TASOR2: variants seen among roughly 807,000 people sequenced by gnomAD.
TASOR2 encodes the protein transcription activation suppressor family member 2, also known as protein TASOR 2.
In TASOR2, 84 loss-of-function variants were observed where a neutral mutation model predicts 199.5. That is an observed-to-expected ratio of 0.42 (90% CI 0.35 to 0.50). The LOEUF (loss-of-function observed/expected upper bound fraction) is 0.50. Ranked by LOEUF, TASOR2 falls within the 20% of genes least tolerant of loss-of-function variation. The pLI is 0.02. For missense variants in TASOR2, 2,796 were observed against 2,835.9 expected (o/e 0.99, Z 0.32); for synonymous variants, 1,103 against 1,046.6 (o/e 1.05, Z -1.04).
chr10:5,758,473 GGCTATAGTGA>G (rs1173469730), intron 17 of TASOR2, among the ~76,000 whole-genome samples: 1 of 152,146 alleles, frequency 6.6e-6, no homozygotes, highest in African/African-American at 2.4e-5. Flanking sequence ...AGGAGGTTGA[GGCTATAGTGA>G]GCTGAGATCA....
chr10:5,736,961 T>G (rs1267082220), intron 12 of TASOR2, among the ~76,000 whole-genome samples: 1 of 152,066 alleles, frequency 6.6e-6, no homozygotes, highest in Non-Finnish European at 1.5e-5. Context: ...GGATTGTTGT[T>G]TTGTTTTGTT....
At chr10:5,758,743 CAT>C in intron 17 of TASOR2, 142 bp from the exon 19 acceptor site, 2 of 628,890 alleles carry the variant, frequency 3.2e-6, no homozygotes, top group Non-Finnish European at 5.6e-6. Flanking sequence ...TGCCCAACCA[CAT>C]AAGTGACAGT....
At chr10:5,703,473 T>A (rs1838156688) in intron 1 of TASOR2, among the ~76,000 whole-genome samples, 1 of 151,506 alleles carries the variant, frequency 6.6e-6, no homozygotes, top group South Asian at 2.1e-4. Flanking sequence ...GTTTTATATT[T>A]TATATATATT....
chr10:5,702,576 G>A (rs1167407882), intron 1 of TASOR2, among the ~76,000 whole-genome samples: 1 of 149,750 alleles, frequency 6.7e-6, no homozygotes, highest in African/African-American at 2.5e-5. Flanking sequence ...ATAAGGTCTT[G>A]GGCTTTTCTT....
intron 2 of TASOR2, chr10:5,713,869 C>T (rs12570524): frequency 0.17 from 40,596 of 238,836 alleles, 4,220 homozygotes; most frequent in Non-Finnish European, 0.23. Flanking sequence ...CTTTGTGCCC[C>T]GAATACCTAC....
rs989664624 is a variant in TASOR2 at position 5,715,124 on chromosome 10, GAA to G, written c.-192+2207_-192+2208del. 4.3e-4 allele frequency among the ~76,000 whole-genome samples: 66 copies of G among 152,054 alleles called. 1 individual carries two copies. The highest frequency in any genetic ancestry group is 1.6e-4 in the Non-Finnish European group (11 of 68,008). ...TTCACGGAAAGCAGAAAGATCTCACGAAGAGGGGTATTTTTTATTAGTGCCAG... is the reference window on the plus strand; with the variant it reads ...TTCACGGAAAGCAGAAAGATCTCACGGAGGGGTATTTTTTATTAGTGCCAG... On this transcript the variant is annotated intron_variant, in intron 2 of 20. Coordinates refer to ENST00000328090, the Ensembl canonical transcript of TASOR2.
At chr10:5,762,749 A>G (rs1840081679) in intron 20 of TASOR2, 103 bp downstream of exon 21, 3 of 726,344 alleles carry the variant, frequency 4.1e-6, no homozygotes, top group East Asian at 5.4e-5. Context: ...TGTTGTTTAC[A>G]TACTTCATGC....
chr10:5,753,149 G>T (rs192850623), intron 15 of TASOR2, among the ~76,000 whole-genome samples: 1 of 152,224 alleles, frequency 6.6e-6, no homozygotes, highest in East Asian at 1.9e-4. Flanking sequence ...ATATCTTAGC[G>T]GATGGAGAAG....
intron 6 of TASOR2, among the ~76,000 whole-genome samples, chr10:5,723,448 T>C (rs1308712241): frequency 6.6e-6 from 1 of 152,158 alleles, no homozygotes; most frequent in African/African-American, 2.4e-5. Flanking sequence ...GTACTGAAAA[T>C]ACATGTATTG....
exon 15 of TASOR2, chr10:5,746,956 T>G: frequency 1.2e-5 from 20 of 1,614,220 alleles, no homozygotes; most frequent in Non-Finnish European, 1.5e-5. Flanking sequence ...AGAAGTGAGA[T>G]GCACTCAGGA....
chr10:5,714,116 A>G lies in TASOR2; in HGVS notation c.-192+1198A>G. The G allele has an allele frequency of 8.2e-7, 1 of 1,220,792 alleles. No homozygotes were observed. Among genetic ancestry groups the G allele is most frequent in the Non-Finnish European group, 1.0e-6 (1 of 977,804 alleles). 75.6% of individuals were successfully genotyped at this position (1,220,792 alleles called of 1,614,324 possible). On this transcript the variant is annotated intron_variant, in intron 2 of 20. Coordinates refer to ENST00000328090, the Ensembl canonical transcript of TASOR2. ...TTCATTGCTTCAAAGACTGAAGCAA[A>G]GTAATCTTTTGTTTAAAGGCAAAAT...
chr10:5,708,502 T>C (rs1831426351), intron 1 of TASOR2, among the ~76,000 whole-genome samples: 1 of 152,142 alleles, frequency 6.6e-6, no homozygotes, highest in Non-Finnish European at 1.5e-5. Flanking sequence ...TCCTTGTCTA[T>C]TCTGAGCTAA....
intron 6 of TASOR2, 71 bp downstream of exon 7, chr10:5,721,041 A>G: frequency 1.7e-6 from 2 of 1,201,958 alleles, no homozygotes; most frequent in Non-Finnish European, 2.4e-6. Flanking sequence ...TCCTCACCTC[A>G]TTTCAAGGGT....
rs748449326 is a variant in TASOR2 at position 5,758,996 on chromosome 10, A to G, written c.6992+4A>G. On this transcript the variant is annotated splice_donor_region_variant and intron_variant, in intron 18 of 20. Transcript: ENST00000328090. ...AAAAGCTAAAAGAAGATGAAAGGTAAGGACTTGCTGTGTGTATGGTTCCTC... is the reference window on the plus strand; with the variant it reads ...AAAAGCTAAAAGAAGATGAAAGGTAGGGACTTGCTGTGTGTATGGTTCCTC... 4 of 1,604,758 alleles carry G rather than the reference A, an allele frequency of 2.5e-6. No homozygotes were observed. The highest frequency in any genetic ancestry group is 1.7e-5 in the Admixed American group (1 of 59,968).
At position 5,699,952 on chromosome 10, in the gene TASOR2, G is replaced by A. The variant is rs1022548151; in HGVS notation, c.-287-12871G>A. ...TACCTTAAATATTTCTCTTTTCTTT[G>A]TGCTAGAACCACTCAAATTCTATTC... On this transcript the variant is annotated intron_variant, in intron 1 of 20. Coordinates refer to ENST00000328090, the Ensembl canonical transcript of TASOR2. This position sits in a 1 kb window ranked among gnomAD's most constrained non-coding sequence, Gnocchi z 4.1. 6.6e-6 allele frequency among the ~76,000 whole-genome samples: 1 copy of A among 152,034 alleles called. No homozygotes were observed. The highest frequency in any genetic ancestry group is 2.4e-5 in the African/African-American group (1 of 41,414).
At chr10:5,717,558 C>G in intron 2 of TASOR2, 101 bp from the exon 4 acceptor site, 1 of 437,576 alleles carries the variant, frequency 2.3e-6, no homozygotes, top group Non-Finnish European at 3.8e-6. Context: ...TCTCCTGTCT[C>G]AACTATCACA....
At chr10:5,700,681 A>T (rs1837713866) in intron 1 of TASOR2, among the ~76,000 whole-genome samples, 1 of 152,048 alleles carries the variant, frequency 6.6e-6, no homozygotes, top group Non-Finnish European at 1.5e-5. Context: ...CTGATCATTC[A>T]TGATGTTGAG....
chr10:5,746,661 G>A, exon 15 of TASOR2: 2 of 1,614,118 alleles, frequency 1.2e-6, no homozygotes, highest in South Asian at 2.2e-5. Flanking sequence ...CCTTTAAGAA[G>A]GAGTTGATTA....
At chr10:5,721,535 CA>C (rs2050524590) in intron 6 of TASOR2, among the ~76,000 whole-genome samples, 1 of 151,774 alleles carries the variant, frequency 6.6e-6, no homozygotes, top group South Asian at 2.1e-4. Context: ...TGTGAGGATT[CA>C]TTTTTTTTTT....
Sources: allele counts gnomAD v4.1 joint callset (sites outside exome capture counted in the v4.1 genomes callset), GRCh38; gene constraint gnomAD v4.1.1; non-coding constraint Gnocchi (gnomAD v3.1); transcripts MANE v1.5; gene names NCBI Gene and HGNC (gene_info 2026-07-23, HGNC 2026-07-21).